CPNE5: variants seen among roughly 807,000 people sequenced by gnomAD.
CPNE5 encodes copine-5.
A neutral mutation model predicts 81.1 loss-of-function variants in CPNE5; 42 were observed. That is an observed-to-expected ratio of 0.52 (90% CI 0.40 to 0.67). CPNE5 has a LOEUF of 0.67. Ranked by LOEUF, CPNE5 falls within the 30% of genes least tolerant of loss-of-function variation. The probability of loss-of-function intolerance (pLI) is 0.00; values close to 1 mark genes in which losing one functional copy is unlikely to be tolerated. For missense variants in CPNE5, 612 were observed against 815.5 expected, an observed-to-expected ratio of 0.75 and a Z score of 3.04; for synonymous variants, 313 against 321.5, an observed-to-expected ratio of 0.97 and a Z score of 0.28.
chr6:36,775,193 T>A, intron 9 of CPNE5, 128 bp from the exon 10 acceptor site: 1 of 692,720 alleles, frequency 1.4e-6, no homozygotes, highest in Non-Finnish European at 2.6e-6. Flanking sequence ...CTTCAAAAGG[T>A]GATGAGCTGC....
intron 18 of CPNE5, chr6:36,744,633 C>T (rs578123815): frequency 4.0e-6 from 2 of 496,954 alleles, no homozygotes; most frequent in South Asian, 5.0e-5. Flanking sequence ...GAGCCATGTT[C>T]CTGAGCTTCC....
chr6:36,821,656 GC>G (rs1212046724), intron 3 of CPNE5, among the ~76,000 whole-genome samples: 1 of 152,172 alleles, frequency 6.6e-6, no homozygotes, highest in Non-Finnish European at 1.5e-5. Flanking sequence ...GGGTTTTGGA[GC>G]CGGGACTTGA....
intron 10 of CPNE5, among the ~76,000 whole-genome samples, chr6:36,765,984 GC>G (rs1766530816): frequency 6.6e-6 from 1 of 152,212 alleles, no homozygotes; most frequent in Admixed American, 6.5e-5. Flanking sequence ...TCCTATGCAT[GC>G]GGATGGGCTT....
chr6:36,839,434 C>T lies in CPNE5; in HGVS notation c.-57G>A. The T allele has an allele frequency of 7.0e-7, 1 of 1,421,560 alleles. No homozygotes were observed. The highest frequency in any genetic ancestry group is 9.6e-7 in the Non-Finnish European group (1 of 1,046,656). The allele number at this position is 1,421,560 out of a possible 1,614,324, so 88.1% of individuals were successfully genotyped here. A position where few individuals can be genotyped will look rare whatever the true frequency, so the allele number is the denominator to read the frequency against. On this transcript the variant is annotated 5_prime_UTR_variant, in exon 1 of 21. Coordinates refer to ENST00000244751, the MANE Select transcript of CPNE5 (RefSeq NM_020939.2). The surrounding 1 kb of genome is among the most constrained non-coding windows in gnomAD (Gnocchi z 7.3). ...AATCCCTGCGCGATTCACGCCTCCTCCGGAGCGACTGGAGCCCTGGGCTCT... is the reference window on the plus strand; with the variant it reads ...AATCCCTGCGCGATTCACGCCTCCTTCGGAGCGACTGGAGCCCTGGGCTCT...
intron 1 of CPNE5, among the ~76,000 whole-genome samples, chr6:36,827,151 C>A (rs1036863283): frequency 6.6e-6 from 1 of 152,168 alleles, no homozygotes; most frequent in African/African-American, 2.4e-5. Flanking sequence ...CCCAGCTCAG[C>A]CCCTCTTCAG....
At chr6:36,752,975 G>T in intron 14 of CPNE5, 59 bp downstream of exon 14, 1 of 1,397,310 alleles carries the variant, frequency 7.2e-7, no homozygotes, top group Non-Finnish European at 1.0e-6. Flanking sequence ...GGTCCTGTCG[G>T]TGTGTGGGGC....
chr6:36,768,563 T>C (rs1182769509), intron 10 of CPNE5, among the ~76,000 whole-genome samples: 1 of 152,158 alleles, frequency 6.6e-6, no homozygotes, highest in Non-Finnish European at 1.5e-5. Context: ...TCCACCCTGG[T>C]TGGGCTGCCT....
At chr6:36,824,075 G>A (rs1021168669) in intron 1 of CPNE5, among the ~76,000 whole-genome samples, 3 of 152,224 alleles carry the variant, frequency 2.0e-5, no homozygotes, top group Admixed American at 6.5e-5. Context: ...GGTAGTATCA[G>A]TCTTGAAGGC....
At chr6:36,799,541 C>T (rs1207069673) in intron 4 of CPNE5, among the ~76,000 whole-genome samples, 1 of 152,208 alleles carries the variant, frequency 6.6e-6, no homozygotes, top group Non-Finnish European at 1.5e-5. Flanking sequence ...GCCCCATCAG[C>T]CAGGCCACCT....
chr6:36,746,727 G>A lies in CPNE5; in HGVS notation c.1019-150C>T. On this transcript the variant is annotated intron_variant, in intron 15 of 20. Coordinates refer to ENST00000244751, the MANE Select transcript of CPNE5 (RefSeq NM_020939.2). This position sits in a 1 kb window ranked among gnomAD's most constrained non-coding sequence, Gnocchi z 4.5. Reference sequence around the variant, plus strand: ...CTCATACCCCATGTTAAATCCTTCAGCAAAACAGATCTAGAATCCCTCCTC... The same window carrying A: ...CTCATACCCCATGTTAAATCCTTCAACAAAACAGATCTAGAATCCCTCCTC... 2 of 658,998 alleles carry A rather than the reference G, an allele frequency of 3.0e-6. No individual in the cohort carries two copies. The highest frequency in any genetic ancestry group is 5.1e-6 in the Non-Finnish European group (2 of 394,006). 40.8% of individuals were successfully genotyped at this position (658,998 alleles called of 1,614,324 possible).
At chr6:36,760,424 A>G (rs959361051) in intron 12 of CPNE5, among the ~76,000 whole-genome samples, 2 of 152,022 alleles carry the variant, frequency 1.3e-5, no homozygotes, top group Admixed American at 1.3e-4. Context: ...TAAGCAGGGG[A>G]GCGATGTGAT....
intron 13 of CPNE5, chr6:36,755,479 A>G (rs148458268): frequency 6.6e-6 from 1 of 150,518 alleles, no homozygotes; most frequent in East Asian, 2.0e-4. Flanking sequence ...TACTTTTTCC[A>G]TAGCTCTCAT....
Position 36,745,054 on chromosome 6 carries a change from A to G in CPNE5, c.1425T>C (p.Ile475=), listed in dbSNP as rs758978985. 11 of 1,612,726 alleles carry G rather than the reference A, an allele frequency of 6.8e-6. No individual in the cohort carries two copies. Among genetic ancestry groups the G allele is most frequent in the Non-Finnish European group, 9.3e-6 (11 of 1,178,696 alleles). The change falls in exon 18 of 21, where the codon ATT becomes ATC. Residue 475 remains isoleucine (I), a synonymous_variant. Coordinates refer to ENST00000244751, the MANE Select transcript of CPNE5 (RefSeq NM_020939.2). Reference sequence around the variant, plus strand: ...CCGCACACTCCTTGCTTACGTTGACAATGGCCTCCTTGGTCTGCGCCATGT... The same window carrying G: ...CCGCACACTCCTTGCTTACGTTGACGATGGCCTCCTTGGTCTGCGCCATGT... ...ISDMAQTKEA[I]VNAAKLPMSI... is the part of the protein sequence containing the mutation.
intron 11 of CPNE5, among the ~76,000 whole-genome samples, chr6:36,764,481 CG>C (rs1052170206): frequency 2.0e-5 from 3 of 152,112 alleles, no homozygotes; most frequent in Non-Finnish European, 4.4e-5. Context: ...GAGGTACCAG[CG>C]GACACTGGGG....
At chr6:36,801,768 C>G (rs1295599295) in intron 3 of CPNE5, among the ~76,000 whole-genome samples, 2 of 151,992 alleles carry the variant, frequency 1.3e-5, no homozygotes, top group Non-Finnish European at 2.9e-5. Context: ...TTCATCGATG[C>G]AGAAAGTAGA....
intron 14 of CPNE5, among the ~76,000 whole-genome samples, chr6:36,750,504 G>T (rs578232490): frequency 2.0e-5 from 3 of 152,212 alleles, no homozygotes; most frequent in African/African-American, 7.2e-5. Context: ...CGCAAAGCTA[G>T]CAAGAACCTG....
At chr6:36,772,331 C>G (rs540008107) in intron 10 of CPNE5, among the ~76,000 whole-genome samples, 3 of 152,190 alleles carry the variant, frequency 2.0e-5, no homozygotes, top group South Asian at 4.2e-4. Flanking sequence ...CTTTAGAACT[C>G]ACTGCTCCAA....
At chr6:36,818,203 C>T (rs76355146) in intron 3 of CPNE5, among the ~76,000 whole-genome samples, 3,226 of 152,184 alleles carry the variant, frequency 0.021, 114 homozygotes, top group African/African-American at 0.072. Flanking sequence ...GGCTCAAATT[C>T]CATTTAAAAA....
At chr6:36,792,186 C>G in intron 7 of CPNE5, 90 bp from the exon 8 acceptor site, 1 of 1,269,618 alleles carries the variant, frequency 7.9e-7, no homozygotes, top group Non-Finnish European at 1.1e-6. Flanking sequence ...TGCCCATCCT[C>G]CCCCGCCCCC....
Sources: allele counts gnomAD v4.1 joint callset (sites outside exome capture counted in the v4.1 genomes callset), GRCh38; gene constraint gnomAD v4.1.1; non-coding constraint Gnocchi (gnomAD v3.1); transcripts MANE v1.5; gene names NCBI Gene and HGNC (gene_info 2026-07-23, HGNC 2026-07-21).